MAP3K5: variants seen among roughly 807,000 people sequenced by gnomAD.
MAP3K5 encodes the protein mitogen-activated protein kinase kinase kinase 5.
MAP3K5 carries 56 observed loss-of-function variants against 158.7 expected under a neutral mutation model. The ratio of observed to expected loss-of-function variants is 0.35; its 90% CI spans 0.28 to 0.44. The LOEUF (loss-of-function observed/expected upper bound fraction) is 0.44, where lower values mean the gene tolerates loss of function less well. Ranked by LOEUF, MAP3K5 falls within the 20% of genes least tolerant of loss-of-function variation. The probability of loss-of-function intolerance (pLI) is 1.00; values close to 1 mark genes in which losing one functional copy is unlikely to be tolerated. For missense variants in MAP3K5, 1,294 were observed against 1,674.8 expected (o/e 0.77, Z 3.97); for synonymous variants, 579 against 601.7 (o/e 0.96, Z 0.55).
At chr6:136,757,971 G>T (rs1207551073) in intron 1 of MAP3K5, among the ~76,000 whole-genome samples, 1 of 152,138 alleles carries the variant, frequency 6.6e-6, no homozygotes, top group African/African-American at 2.4e-5. Context: ...ATTTAAAGTG[G>T]CAAAGTGGTA....
intron 1 of MAP3K5, among the ~76,000 whole-genome samples, chr6:136,744,074 A>G (rs1274507449): frequency 1.3e-5 from 2 of 152,174 alleles, no homozygotes; most frequent in African/African-American, 2.4e-5. Context: ...ACAATATACT[A>G]CTATAATTGT....
intron 1 of MAP3K5, among the ~76,000 whole-genome samples, chr6:136,735,175 T>C (rs1338173782): frequency 6.6e-6 from 1 of 152,236 alleles, no homozygotes; most frequent in African/African-American, 2.4e-5. Context: ...GTCATTTATA[T>C]GAATTATGTT....
At chr6:136,666,376 T>C (rs1779231805) in intron 8 of MAP3K5, among the ~76,000 whole-genome samples, 1 of 152,108 alleles carries the variant, frequency 6.6e-6, no homozygotes, top group African/African-American at 2.4e-5. Context: ...TATAAATAAA[T>C]CAAAATTTCA....
At chr6:136,723,836 C>T (rs943283602) in intron 1 of MAP3K5, among the ~76,000 whole-genome samples, 2 of 151,996 alleles carry the variant, frequency 1.3e-5, no homozygotes, top group African/African-American at 4.8e-5. Flanking sequence ...TTTTTTTCCC[C>T]CCTCAAGGCT....
intron 23 of MAP3K5, among the ~76,000 whole-genome samples, chr6:136,584,086 T>C (rs551404015): frequency 6.6e-6 from 1 of 152,252 alleles, no homozygotes; most frequent in South Asian, 2.1e-4. Context: ...AAAAGGTACC[T>C]GCCCCACACG....
intron 7 of MAP3K5, among the ~76,000 whole-genome samples, chr6:136,674,339 A>G (rs1779611171): frequency 6.6e-6 from 1 of 152,076 alleles, no homozygotes; most frequent in Non-Finnish European, 1.5e-5. Flanking sequence ...TTGATTATTT[A>G]AACTGCTCCA....
chr6:136,744,132 C>G (rs1280903610), intron 1 of MAP3K5, among the ~76,000 whole-genome samples: 2 of 151,934 alleles, frequency 1.3e-5, no homozygotes, highest in Non-Finnish European at 2.9e-5. Flanking sequence ...ATACACAACA[C>G]CAAGAATGAA....
chr6:136,595,626 CT>C (rs1775591706), intron 21 of MAP3K5, among the ~76,000 whole-genome samples: 1 of 152,164 alleles, frequency 6.6e-6, no homozygotes, highest in Non-Finnish European at 1.5e-5. Context: ...GCATATCGTA[CT>C]TATATTCTAA....
At chr6:136,639,713 G>T in intron 12 of MAP3K5, 75 bp from the exon 13 acceptor site, 2 of 704,258 alleles carry the variant, frequency 2.8e-6, no homozygotes, top group Non-Finnish European at 4.8e-6. Context: ...AAAAAGAAAT[G>T]TTTTAAATTC....
chr6:136,589,499 T>C (rs1284337915), intron 23 of MAP3K5, among the ~76,000 whole-genome samples: 1 of 152,210 alleles, frequency 6.6e-6, no homozygotes, highest in East Asian at 1.9e-4. Flanking sequence ...TTCTTCCTTG[T>C]GTTTGTACAC....
At chr6:136,616,744 T>G (rs1342519829) in intron 15 of MAP3K5, among the ~76,000 whole-genome samples, 1 of 152,026 alleles carries the variant, frequency 6.6e-6, no homozygotes, top group Non-Finnish European at 1.5e-5. Flanking sequence ...ATGATGATGA[T>G]TTGAGACAGG....
intron 25 of MAP3K5, among the ~76,000 whole-genome samples, chr6:136,571,130 A>AC (rs1377256760): frequency 1.3e-5 from 2 of 151,904 alleles, no homozygotes; most frequent in Non-Finnish European, 2.9e-5. Context: ...ATCAGCATGC[A>AC]CCCCCCTATT....
intron 1 of MAP3K5, among the ~76,000 whole-genome samples, chr6:136,784,890 GTCTC>G (rs1387116547): frequency 4.0e-5 from 6 of 151,842 alleles, no homozygotes; most frequent in East Asian, 3.9e-4. Context: ...TGATTTTCTT[GTCTC>G]TCTGTCTCTC....
rs1325330869 is a variant in MAP3K5 at position 136,601,982 on chromosome 6, A to G, written c.2680-3T>C. 1 of 1,611,028 alleles carries G rather than the reference A, an allele frequency of 6.2e-7. No homozygotes were observed. Among genetic ancestry groups the G allele is most frequent in the African/African-American group, 1.3e-5 (1 of 74,818 alleles). ...GGGTGGACTTTAAACATTCCCACCT[A>G]AGACATAAATATAAAAAGTGCAATG... On this transcript the variant is annotated splice_polypyrimidine_tract_variant and splice_region_variant and intron_variant, in intron 19 of 29. Transcript: ENST00000359015.
intron 14 of MAP3K5, among the ~76,000 whole-genome samples, chr6:136,626,625 G>A (rs954147736): frequency 6.6e-6 from 1 of 152,164 alleles, no homozygotes; most frequent in African/African-American, 2.4e-5. Flanking sequence ...CTGCAATGCT[G>A]TGCCTGCCAC....
intron 25 of MAP3K5, 123 bp from the exon 26 acceptor site, chr6:136,567,997 C>G (rs886867078): frequency 7.9e-5 from 84 of 1,069,772 alleles, no homozygotes; most frequent in Non-Finnish European, 9.9e-5. Context: ...ACTGCTTTTC[C>G]AAAAGTGAGG....
intron 20 of MAP3K5, among the ~76,000 whole-genome samples, 185 bp from the exon 21 acceptor site, chr6:136,601,227 T>C (rs75195603): frequency 6.6e-6 from 1 of 152,174 alleles, no homozygotes; most frequent in Non-Finnish European, 1.5e-5. Context: ...TACTTTTTTT[T>C]CTGAGTTATA....
chr6:136,614,127 T>G, intron 16 of MAP3K5, 32 bp downstream of exon 16: 6 of 1,606,126 alleles, frequency 3.7e-6, no homozygotes, highest in Non-Finnish European at 4.3e-6. Flanking sequence ...CTCTAAACAT[T>G]CACACTTTTT....
intron 1 of MAP3K5, among the ~76,000 whole-genome samples, chr6:136,732,442 C>T (rs925991473): frequency 1.3e-5 from 2 of 151,778 alleles, no homozygotes; most frequent in Non-Finnish European, 2.9e-5. Context: ...ACAAAACAAA[C>T]AAACAAACAA....
Sources: allele counts gnomAD v4.1 joint callset (sites outside exome capture counted in the v4.1 genomes callset), GRCh38; gene constraint gnomAD v4.1.1; transcripts MANE v1.5; gene names NCBI Gene and HGNC (gene_info 2026-07-23, HGNC 2026-07-21).